Variants in GRIK3 observed in about 807,000 individuals in gnomAD.
The protein encoded by GRIK3 is glutamate ionotropic receptor kainate type subunit 3.
Under a neutral mutation model 102.5 loss-of-function variants are expected in GRIK3, and 29 were observed. The ratio of observed to expected loss-of-function variants is 0.28; its 90% CI spans 0.21 to 0.39. The LOEUF (loss-of-function observed/expected upper bound fraction) is 0.39. GRIK3 is among the 10% of genes least tolerant of loss of function. The pLI, the probability that GRIK3 is intolerant of heterozygous loss-of-function variation, is 1.00. For synonymous variants in GRIK3, 511 were observed against 504.9 expected (o/e 1.01, Z -0.16); for missense variants, 908 against 1,252.4 (o/e 0.73, Z 4.15).
chr1:36,841,967 C>T (rs375374015), intron 9 of GRIK3, 28 bp from the exon 10 acceptor site: 109 of 1,588,692 alleles, frequency 6.9e-5, no homozygotes, highest in Non-Finnish European at 8.8e-5. Flanking sequence ...CAGGGTGTGA[C>T]GAAGACTGAG....
intron 1 of GRIK3, among the ~76,000 whole-genome samples, chr1:37,033,321 C>T (rs939005974): frequency 6.6e-6 from 1 of 152,204 alleles, no homozygotes; most frequent in African/African-American, 2.4e-5. Flanking sequence ...CCGCACTGGG[C>T]GGCCTCCATC....
intron 1 of GRIK3, among the ~76,000 whole-genome samples, chr1:36,964,761 C>T (rs1445352086): frequency 6.6e-6 from 1 of 152,134 alleles, no homozygotes; most frequent in South Asian, 2.1e-4. Flanking sequence ...ATATGACCAG[C>T]ACAGCCATCA....
At chr1:36,858,982 A>G in intron 7 of GRIK3, 126 bp downstream of exon 7, 1 of 827,440 alleles carries the variant, frequency 1.2e-6, no homozygotes. Context: ...GCTCGGAGAC[A>G]TGAGGCAACT....
At chr1:37,009,126 G>A (rs866787894) in intron 1 of GRIK3, among the ~76,000 whole-genome samples, 2 of 152,078 alleles carry the variant, frequency 1.3e-5, no homozygotes, top group South Asian at 4.2e-4. Context: ...AACTGTTGTT[G>A]TGAGAATTAA....
chr1:36,914,061 G>A (rs148653659), intron 1 of GRIK3, among the ~76,000 whole-genome samples: 2 of 152,342 alleles, frequency 1.3e-5, no homozygotes, highest in South Asian at 2.1e-4. Flanking sequence ...GTTTACCAGG[G>A]AGGTCCCACA....
Position 37,014,933 on chromosome 1 carries a change from GTCTCTCTCTCTCTCTCTC to G in GRIK3, c.115+19043_115+19060del, listed in dbSNP as rs56296966. On this transcript the variant is annotated intron_variant, in intron 1 of 15. Coordinates refer to ENST00000373091, the MANE Select transcript of GRIK3 (RefSeq NM_000831.4). ...TTTCTCTCTCTCTCTCTCTGTTTTT[GTCTCTCTCTCTCTCTCTC>G]TCTCTCTCTCTGTATCTCTGTCTCA... Among the ~76,000 whole-genome samples the G allele has an allele frequency of 2.9e-3, 404 of 139,812 alleles. 2 individuals are homozygous for G. Among genetic ancestry groups the G allele is most frequent in the African/African-American group, 0.01 (384 of 38,356 alleles). The allele number at this position is 139,812 out of a possible 152,430, so 91.7% of individuals were successfully genotyped here.
intron 9 of GRIK3, among the ~76,000 whole-genome samples, chr1:36,842,975 C>A (rs1039319423): frequency 2.0e-5 from 3 of 152,070 alleles, no homozygotes; most frequent in Non-Finnish European, 4.4e-5. Flanking sequence ...CTGTCCCATG[C>A]CAGACCCCCC....
intron 5 of GRIK3, among the ~76,000 whole-genome samples, chr1:36,865,829 G>T (rs1265230696): frequency 6.6e-6 from 1 of 152,188 alleles, no homozygotes; most frequent in Non-Finnish European, 1.5e-5. Flanking sequence ...AGTGCAAAGT[G>T]CCCTGTTGCT....
intron 1 of GRIK3, among the ~76,000 whole-genome samples, chr1:36,925,336 C>T (rs920536374): frequency 6.6e-6 from 1 of 152,250 alleles, no homozygotes; most frequent in Non-Finnish European, 1.5e-5. Flanking sequence ...CACATCCCTC[C>T]TGGCAGAAGT....
chr1:36,809,916 C>T (rs1642544016), intron 13 of GRIK3, among the ~76,000 whole-genome samples: 1 of 152,170 alleles, frequency 6.6e-6, no homozygotes, highest in African/African-American at 2.4e-5. Context: ...GTTCTGGAGC[C>T]TCCTGGCTCC....
At chr1:36,961,075 G>A (rs781406916) in intron 1 of GRIK3, among the ~76,000 whole-genome samples, 14 of 152,362 alleles carry the variant, frequency 9.2e-5, no homozygotes, top group Non-Finnish European at 1.6e-4. Context: ...CAGCTCTCTT[G>A]TTATCCTGTC....
intron 1 of GRIK3, among the ~76,000 whole-genome samples, chr1:36,893,964 A>T (rs894656323): frequency 1.3e-5 from 2 of 152,172 alleles, no homozygotes; most frequent in Admixed American, 1.3e-4. Context: ...TTCATTCTTA[A>T]TGCCTTTCTA....
At chr1:37,014,670 A>T (rs1642633083) in intron 1 of GRIK3, among the ~76,000 whole-genome samples, 1 of 152,186 alleles carries the variant, frequency 6.6e-6, no homozygotes, top group African/African-American at 2.4e-5. Flanking sequence ...GGGAAGCTAG[A>T]GATAAGCAGA....
Position 36,997,409 on chromosome 1 carries a change from C to T in GRIK3, c.115+36585G>A, listed in dbSNP as rs1276918228. Among the ~76,000 whole-genome samples the T allele has an allele frequency of 2.6e-5, 4 of 152,328 alleles. No homozygotes were observed. In the East Asian group the frequency reaches 5.8e-4, roughly 22 times the overall value. On this transcript the variant is annotated intron_variant, in intron 1 of 15. Transcript: ENST00000373091. ...AGAAAACATTTTTAAGGCAGTAAAG[C>T]TGCAGCAAACACTCGCAGTTGTTAA...
At chr1:36,805,987 AC>A in intron 14 of GRIK3, 116 bp downstream of exon 14, 1 of 572,568 alleles carries the variant, frequency 1.7e-6, no homozygotes, top group Admixed American at 3.4e-5. Flanking sequence ...AAAAGAGAAA[AC>A]GTCACCTTTA....
chr1:37,033,112 A>T (rs957566121), intron 1 of GRIK3, among the ~76,000 whole-genome samples: 2 of 152,192 alleles, frequency 1.3e-5, no homozygotes, highest in South Asian at 2.1e-4. Flanking sequence ...GGCCCGGGAC[A>T]TGCGCGGCGC....
chr1:37,016,958 T>C (rs958632032), intron 1 of GRIK3, among the ~76,000 whole-genome samples: 6 of 152,110 alleles, frequency 3.9e-5, no homozygotes, highest in African/African-American at 1.4e-4. Flanking sequence ...CTCAAACCTG[T>C]AATCCCAGCA....
chr1:37,012,135 A>G (rs529036886), intron 1 of GRIK3, among the ~76,000 whole-genome samples: 100 of 152,336 alleles, frequency 6.6e-4, no homozygotes, highest in African/African-American at 2.3e-3. Context: ...AAAAGTGTAA[A>G]AGTCCTTCCT....
At chr1:36,957,501 CCCATGACT>C (rs1641931596) in intron 1 of GRIK3, among the ~76,000 whole-genome samples, 1 of 125,888 alleles carries the variant, frequency 7.9e-6, no homozygotes, top group Non-Finnish European at 1.8e-5. Flanking sequence ...GCCTGTGTGC[CCCATGACT>C]CTGTGCCCCA....
Sources: allele counts gnomAD v4.1 joint callset (sites outside exome capture counted in the v4.1 genomes callset), GRCh38; gene constraint gnomAD v4.1.1; transcripts MANE v1.5; gene names NCBI Gene and HGNC (gene_info 2026-07-23, HGNC 2026-07-21).